KCNK10: variants seen among roughly 807,000 people sequenced by gnomAD.
KCNK10 encodes the protein potassium channel subfamily K member 10.
KCNK10 carries 25 observed loss-of-function variants against 47.7 expected under a neutral mutation model. The ratio of observed to expected loss-of-function variants is 0.52; its 90% CI spans 0.38 to 0.73. The LOEUF is 0.73. KCNK10 is among the 30% of genes least tolerant of loss of function. The pLI is 0.00. For missense variants in KCNK10, 563 were observed against 714.5 expected, an observed-to-expected ratio of 0.79 and a Z score of 2.42; for synonymous variants, 303 against 285.6, an observed-to-expected ratio of 1.06 and a Z score of -0.61.
intron 1 of KCNK10, among the ~76,000 whole-genome samples, chr14:88,273,220 CAG>C (rs993844231): frequency 1.3e-5 from 2 of 152,034 alleles, no homozygotes; most frequent in African/African-American, 4.8e-5. Flanking sequence ...GGATGCATGA[CAG>C]AGAAAGAAAA....
chr14:88,246,264 GAAAAAA>G (rs35102974), intron 2 of KCNK10, among the ~76,000 whole-genome samples: 31 of 55,326 alleles, frequency 5.6e-4, no homozygotes, highest in African/African-American at 2.1e-3. Context: ...CTCCGTCTCA[GAAAAAA>G]AAAAAAAAAA....
intron 1 of KCNK10, among the ~76,000 whole-genome samples, chr14:88,306,219 A>G (rs1434512707): frequency 6.6e-6 from 1 of 152,182 alleles, no homozygotes; most frequent in Non-Finnish European, 1.5e-5. Flanking sequence ...CGAAATTCCT[A>G]TACAACAAGC....
rs768403106 is a variant in KCNK10 at position 88,240,696 on chromosome 14, CG to C, written c.520+6del. On this transcript the variant is annotated splice_donor_region_variant and intron_variant, in intron 3 of 6. Transcript: ENST00000319231. ...AGAGGAAGAGATATTAGCAAACAAACGGGTACCTATGGTCGTAATGACAGTT... is the reference window on the plus strand; with the variant it reads ...AGAGGAAGAGATATTAGCAAACAAACGGTACCTATGGTCGTAATGACAGTT... 5.1e-6 allele frequency: 8 copies of C among 1,571,392 alleles called. No homozygotes were observed. The East Asian group carries it at 1.3e-4, about 26-fold the overall frequency.
At chr14:88,318,708 G>A (rs999605624) in intron 1 of KCNK10, among the ~76,000 whole-genome samples, 1 of 152,164 alleles carries the variant, frequency 6.6e-6, no homozygotes, top group South Asian at 2.1e-4. Context: ...AGATCAAGAT[G>A]GGGAAAGTTG....
intron 1 of KCNK10, among the ~76,000 whole-genome samples, chr14:88,317,923 T>G (rs1888462325): frequency 6.6e-6 from 1 of 152,180 alleles, no homozygotes; most frequent in East Asian, 1.9e-4. Context: ...TGGATTAAAG[T>G]GCCTAAAAAT....
intron 1 of KCNK10, among the ~76,000 whole-genome samples, chr14:88,297,450 G>A (rs1286633897): frequency 3.3e-5 from 5 of 152,180 alleles, no homozygotes; most frequent in Admixed American, 2.0e-4. Flanking sequence ...AAAACGTAAC[G>A]TGCCTATTGA....
chr14:88,258,589 G>A (rs554967175), intron 2 of KCNK10, among the ~76,000 whole-genome samples: 108 of 152,242 alleles, frequency 7.1e-4, no homozygotes, highest in African/African-American at 2.5e-3. Context: ...GAACCCGGCC[G>A]CGTCTTCTTC....
chr14:88,209,457 C>T (rs1450986641), intron 4 of KCNK10, among the ~76,000 whole-genome samples: 4 of 152,208 alleles, frequency 2.6e-5, no homozygotes, highest in African/African-American at 7.2e-5. Context: ...TCACGCAGAC[C>T]GAATGGCAAC....
intron 4 of KCNK10, among the ~76,000 whole-genome samples, chr14:88,194,169 A>G (rs1437193198): frequency 1.3e-5 from 2 of 152,242 alleles, no homozygotes; most frequent in African/African-American, 4.8e-5. Context: ...TGTTGAAACT[A>G]TATATGAAAA....
At chr14:88,212,640 C>A (rs1595083692) in intron 4 of KCNK10, among the ~76,000 whole-genome samples, 1 of 152,126 alleles carries the variant, frequency 6.6e-6, no homozygotes, top group African/African-American at 2.4e-5. Context: ...TTTAAAACGA[C>A]ACCTCAGGCT....
At chr14:88,321,503 A>T (rs866755186) in intron 1 of KCNK10, among the ~76,000 whole-genome samples, 17 of 152,308 alleles carry the variant, frequency 1.1e-4, no homozygotes, top group African/African-American at 3.9e-4. Context: ...TTTAGCATGT[A>T]ATAGGTATTT....
At position 88,290,929 on chromosome 14, in the gene KCNK10, G is replaced by A. The variant is rs575835730; in HGVS notation, c.53-27378C>T. 9.2e-5 allele frequency among the ~76,000 whole-genome samples: 14 copies of A among 152,352 alleles called. No individual in the cohort carries two copies. The East Asian group carries it at 2.7e-3, about 29-fold the overall frequency. On this transcript the variant is annotated intron_variant, in intron 1 of 6. Transcript: ENST00000319231. The stretch of plus-strand genomic sequence containing the variant: ...GCATTCACCAGAAGCTTCTAGGTCA[G>A]CGTCAGGAAACAGGCAGGGAGGTAT...
At chr14:88,282,382 G>C (rs951683276) in intron 1 of KCNK10, among the ~76,000 whole-genome samples, 1 of 152,134 alleles carries the variant, frequency 6.6e-6, no homozygotes, top group African/African-American at 2.4e-5. Context: ...CTCAGTTCAT[G>C]ATTTTGTATT....
rs549416274 is a variant in KCNK10 at position 88,243,953 on chromosome 14, G to A, written c.403-3133C>T. On this transcript the variant is annotated intron_variant, in intron 2 of 6. Coordinates refer to ENST00000319231, the MANE Select transcript of KCNK10 (RefSeq NM_138317.3). Reference sequence around the variant, plus strand: ...AATGGCCAATGCACCCAAATGCCCTGGGGAAGCAGTTTTGTGGAAATTATA... The same window carrying A: ...AATGGCCAATGCACCCAAATGCCCTAGGGAAGCAGTTTTGTGGAAATTATA... Among the ~76,000 whole-genome samples the A allele has an allele frequency of 2.0e-5, 3 of 151,854 alleles. No individual in the cohort carries two copies. In the East Asian group the frequency reaches 5.8e-4, roughly 29 times the overall value.
chr14:88,278,769 A>C (rs1161478995), intron 1 of KCNK10, among the ~76,000 whole-genome samples: 1 of 152,194 alleles, frequency 6.6e-6, no homozygotes, highest in African/African-American at 2.4e-5. Context: ...CACTGGAAAC[A>C]GTCTTGTGGT....
chr14:88,326,189 C>CG (rs1372425355), upstream of KCNK10, among the ~76,000 whole-genome samples: 6 of 134,672 alleles, frequency 4.5e-5, no homozygotes, highest in African/African-American at 1.7e-4. Flanking sequence ...CCGCCCCCCC[C>CG]CAAAAAAAAA....
At chr14:88,227,294 CT>C (rs1886016880) in intron 4 of KCNK10, 80 bp downstream of exon 4, 3 of 1,140,738 alleles carry the variant, frequency 2.6e-6, no homozygotes, top group South Asian at 1.8e-5. Context: ...GACAATGCCC[CT>C]GATACTGCCT....
In KCNK10 at chr14:88,220,171, A is replaced by G. The variant is rs796464595; in HGVS notation, c.681+7204T>C. Among the ~76,000 whole-genome samples the G allele has an allele frequency of 1.7e-4, 26 of 152,210 alleles. 1 individual carries two copies. Among genetic ancestry groups the G allele is most frequent in the African/African-American group, 6.3e-4 (26 of 41,528 alleles). On this transcript the variant is annotated intron_variant, in intron 4 of 6. Transcript: ENST00000319231. ...GGTGGCTCACGCCTGTAATCCCAGC[A>G]CTTTGGGAGGCCGAGGCGGGCGGAT...
chr14:88,192,463 C>T, intron 4 of KCNK10, 53 bp from the exon 5 acceptor site: 1 of 1,498,738 alleles, frequency 6.7e-7, no homozygotes, highest in South Asian at 1.2e-5. Flanking sequence ...ACCCTGGATT[C>T]AGGATATAGA....
Sources: gnomAD v4.1 joint callset for allele counts (sites outside exome capture counted in the v4.1 genomes callset) on GRCh38, gnomAD v4.1.1 for gene constraint, MANE v1.5 for transcripts, NCBI Gene and HGNC (gene_info 2026-07-23, HGNC 2026-07-21) for gene names.